LEPR: variants seen among roughly 807,000 people sequenced by gnomAD.
LEPR encodes OB receptor.
A neutral mutation model predicts 114.7 loss-of-function variants in LEPR; 56 were observed. That is an observed-to-expected ratio of 0.49 (90% confidence interval 0.39 to 0.61). LEPR has a LOEUF of 0.61. Among genes scored for constraint, LEPR ranks in the 20% least tolerant of loss-of-function variants. The pLI is 0.00. For missense variants in LEPR, 1,202 were observed against 1,352.9 expected (o/e 0.89, Z 1.75); for synonymous variants, 443 against 461.4 (o/e 0.96, Z 0.51).
At chr1:65,524,564 A>G (rs554547944) in intron 2 of LEPR, among the ~76,000 whole-genome samples, 1 of 152,306 alleles carries the variant, frequency 6.6e-6, no homozygotes, top group East Asian at 1.9e-4. Flanking sequence ...GGGAGCCGGG[A>G]GTCGTCGCTT....
intron 2 of LEPR, among the ~76,000 whole-genome samples, chr1:65,556,105 C>A (rs967387245): frequency 5.3e-5 from 8 of 152,068 alleles, no homozygotes; most frequent in African/African-American, 1.9e-4. Context: ...GGGATTAGTG[C>A]CCTTATAAAA....
Position 65,476,456 on chromosome 1 carries a change from G to A in LEPR, c.-21+51078G>A, listed in dbSNP as rs563102386. Among the ~76,000 whole-genome samples, 3 of 152,234 alleles carry A rather than the reference G, an allele frequency of 2.0e-5. No homozygotes were observed. In the East Asian group the frequency reaches 5.8e-4, roughly 29 times the overall value. The stretch of plus-strand genomic sequence containing the variant: ...AACTCCCGGAGCTTGTGGTCCAATA[G>A]CTCAGTAAAGGTCTACTGAATGAAA... On this transcript the variant is annotated intron_variant, in intron 2 of 19. Coordinates refer to ENST00000349533, the MANE Select transcript of LEPR (RefSeq NM_002303.6).
intron 2 of LEPR, among the ~76,000 whole-genome samples, chr1:65,426,738 C>T (rs1646380855): frequency 1.3e-5 from 2 of 152,202 alleles, no homozygotes; most frequent in African/African-American, 4.8e-5. Flanking sequence ...ATGGCTCACG[C>T]CTGTAATCCC....
At chr1:65,514,073 T>C (rs1398229328) in intron 2 of LEPR, among the ~76,000 whole-genome samples, 1 of 152,268 alleles carries the variant, frequency 6.6e-6, no homozygotes, top group African/African-American at 2.4e-5. Context: ...TTGTTAATTT[T>C]AATCTTGGGG....
intron 5 of LEPR, among the ~76,000 whole-genome samples, chr1:65,591,561 T>G (rs1019511411): frequency 2.0e-5 from 3 of 152,108 alleles, no homozygotes; most frequent in Non-Finnish European, 2.9e-5. Context: ...TGATCCCTTT[T>G]TCATTATGAA....
intron 19 of LEPR, chr1:65,634,395 C>T: frequency 2.1e-6 from 2 of 969,140 alleles, no homozygotes; most frequent in Non-Finnish European, 1.2e-6. Context: ...TCTTTAATTA[C>T]TGCCCACTCA....
At chr1:65,522,318 C>T (rs1409079884) in intron 2 of LEPR, among the ~76,000 whole-genome samples, 9 of 152,286 alleles carry the variant, frequency 5.9e-5, no homozygotes, top group Middle Eastern at 3.4e-3. Context: ...CTCATATCCC[C>T]CATTTTCCAG....
At chr1:65,426,649 G>A (rs1557581977) in intron 2 of LEPR, among the ~76,000 whole-genome samples, 1 of 152,160 alleles carries the variant, frequency 6.6e-6, no homozygotes, top group East Asian at 1.9e-4. Context: ...GATTCAACAA[G>A]GAGGGAGAGT....
intron 1 of LEPR, among the ~76,000 whole-genome samples, chr1:65,423,458 A>T (rs1339011543): frequency 6.6e-6 from 1 of 152,218 alleles, no homozygotes; most frequent in African/African-American, 2.4e-5. Context: ...AGAGGTCTGC[A>T]GTACCTAGCT....
intron 10 of LEPR, among the ~76,000 whole-genome samples, chr1:65,602,494 A>G (rs6688776): frequency 0.47 from 71,545 of 151,730 alleles, 18,062 homozygotes; most frequent in East Asian, 0.88. Context: ...TTACTCTTCT[A>G]TGTTTTAAAA....
At chr1:65,588,219 G>T in intron 5 of LEPR, among the ~76,000 whole-genome samples, 1 of 151,970 alleles carries the variant, frequency 6.6e-6, no homozygotes, top group East Asian at 1.9e-4. Flanking sequence ...AATCTAGTAA[G>T]TAAGAAATAA....
intron 2 of LEPR, among the ~76,000 whole-genome samples, chr1:65,456,895 C>G (rs1378444046): frequency 6.6e-6 from 1 of 152,144 alleles, no homozygotes; most frequent in Non-Finnish European, 1.5e-5. Context: ...TTGTCTTCCA[C>G]TCTTTTTCTG....
At chr1:65,421,278 C>T (rs1482921536) in intron 1 of LEPR, 5 of 1,478,758 alleles carry the variant, frequency 3.4e-6, no homozygotes, top group Admixed American at 2.3e-5. Context: ...GAGTAGATTA[C>T]GTGTAATTTT....
chr1:65,483,457 A>G (rs1647319687), intron 2 of LEPR, among the ~76,000 whole-genome samples: 1 of 152,166 alleles, frequency 6.6e-6, no homozygotes, highest in Admixed American at 6.5e-5. Context: ...GAATTAACCT[A>G]AAGGAATAAG....
At chr1:65,558,541 TTTTTTTTG>T (rs1653030230) in intron 2 of LEPR, among the ~76,000 whole-genome samples, 2 of 43,236 alleles carry the variant, frequency 4.6e-5, no homozygotes, top group African/African-American at 7.5e-5. Flanking sequence ...TTTTTTTGTT[TTTTTTTTG>T]TTTTTTTTTT....
chr1:65,551,234 C>T (rs1453054363), intron 2 of LEPR, among the ~76,000 whole-genome samples: 6 of 151,980 alleles, frequency 3.9e-5, no homozygotes, highest in African/African-American at 1.5e-4. Context: ...GCCTCATAAA[C>T]GAGTTATGGA....
At chr1:65,552,414 A>G (rs1314881182) in intron 2 of LEPR, among the ~76,000 whole-genome samples, 2 of 152,074 alleles carry the variant, frequency 1.3e-5, no homozygotes, top group African/African-American at 4.8e-5. Flanking sequence ...TATATTTAGG[A>G]TAGTTAGCTC....
chr1:65,597,434 G>T (rs12405556), intron 7 of LEPR, among the ~76,000 whole-genome samples: 39,235 of 151,936 alleles, frequency 0.26, 6,341 homozygotes, highest in East Asian at 0.82. Context: ...AGCAGGACAG[G>T]ATAAGAGGAA....
chr1:65,516,448 A>G (rs1041296158), intron 2 of LEPR, among the ~76,000 whole-genome samples: 80 of 152,176 alleles, frequency 5.3e-4, no homozygotes, highest in Non-Finnish European at 1.0e-3. Flanking sequence ...CGTCTCAAAA[A>G]AAAACAAACC....
Sources: allele counts gnomAD v4.1 joint callset (sites outside exome capture counted in the v4.1 genomes callset), GRCh38; gene constraint gnomAD v4.1.1; transcripts MANE v1.5; gene names NCBI Gene and HGNC (gene_info 2026-07-23, HGNC 2026-07-21).